SLC2A9: variants seen among roughly 807,000 people sequenced by gnomAD.
SLC2A9 encodes solute carrier family 2, facilitated glucose transporter member 9.
A neutral mutation model predicts 50.6 loss-of-function variants in SLC2A9; 39 were observed. The observed-to-expected ratio is 0.77, with a 90% CI of 0.60 to 1.01. The LOEUF (loss-of-function observed/expected upper bound fraction) is 1.01, where lower values mean the gene tolerates loss of function less well. SLC2A9 is among the 50% of genes least tolerant of loss of function. The pLI is 0.00. For synonymous variants in SLC2A9, 324 were observed against 276.9 expected (o/e 1.17, Z -1.69); for missense variants, 686 against 677.6 (o/e 1.01, Z -0.14).
At chr4:9,880,188 T>A in intron 10 of SLC2A9, 4 of 985,442 alleles carry the variant, frequency 4.1e-6, no homozygotes, top group Non-Finnish European at 4.8e-6. Context: ...GCAGCTTTTC[T>A]TAGACAGGTA....
At chr4:9,921,603 C>T (rs1743970840) in intron 6 of SLC2A9, among the ~76,000 whole-genome samples, 1 of 152,246 alleles carries the variant, frequency 6.6e-6, no homozygotes, top group Non-Finnish European at 1.5e-5. Flanking sequence ...GCTCCAGATT[C>T]TCCAAGAAGC....
At chr4:9,901,994 C>T (rs543785102) in intron 8 of SLC2A9, among the ~76,000 whole-genome samples, 6 of 152,332 alleles carry the variant, frequency 3.9e-5, no homozygotes, top group Admixed American at 3.3e-4. Context: ...CGTACCCACC[C>T]TACATGCCCT....
intron 2 of SLC2A9, among the ~76,000 whole-genome samples, chr4:10,006,901 A>C (rs1760882890): frequency 6.6e-6 from 1 of 151,528 alleles, no homozygotes; most frequent in Admixed American, 6.6e-5. Context: ...CCCGAGAAAA[A>C]CCCTGGACTC....
intron 2 of SLC2A9, among the ~76,000 whole-genome samples, chr4:10,004,740 T>C (rs1220759044): frequency 6.6e-6 from 1 of 152,204 alleles, no homozygotes; most frequent in South Asian, 2.1e-4. Flanking sequence ...GCCATCACAA[T>C]TGCACTGTGA....
chr4:9,970,973 T>C (rs1245363458), intron 5 of SLC2A9, among the ~76,000 whole-genome samples: 1 of 152,190 alleles, frequency 6.6e-6, no homozygotes, highest in African/African-American at 2.4e-5. Context: ...TGACCACCGG[T>C]ACATGCAGCC....
At chr4:10,009,554 A>T (rs1761399113) in intron 2 of SLC2A9, 5 of 152,378 alleles carry the variant, frequency 3.3e-5, no homozygotes, top group Admixed American at 3.3e-4. Context: ...TAATTGCTCT[A>T]CAGAAACCCT....
chr4:9,955,283 G>C lies in SLC2A9; in HGVS notation c.682-13238C>G, dbSNP rs1337155703. The stretch of plus-strand genomic sequence containing the variant: ...CGAGGCGGGTGGATCACGAGGTCAG[G>C]AGATCGAGACCATCCTGGCTAACAC... On this transcript the variant is annotated intron_variant, in intron 5 of 11. Transcript: ENST00000264784. Among the ~76,000 whole-genome samples the C allele has an allele frequency of 4.4e-5, 2 of 45,406 alleles. 1 individual carries two copies. The highest frequency in any genetic ancestry group is 7.7e-4 in the South Asian group (2 of 2,582). 29.8% of individuals were successfully genotyped at this position (45,406 alleles called of 152,430 possible).
At chr4:9,958,594 A>G (rs191918016) in intron 5 of SLC2A9, among the ~76,000 whole-genome samples, 2 of 152,344 alleles carry the variant, frequency 1.3e-5, no homozygotes, top group Admixed American at 1.3e-4. Context: ...TACCTATGTA[A>G]CAAACCTGCA....
chr4:9,834,082 C>G (rs769781869), intron 11 of SLC2A9, among the ~76,000 whole-genome samples: 1 of 152,178 alleles, frequency 6.6e-6, no homozygotes, highest in East Asian at 1.9e-4. Flanking sequence ...AAATATTAGC[C>G]CTGCCTAAGG....
intron 3 of SLC2A9, among the ~76,000 whole-genome samples, chr4:9,988,096 G>T (rs959935484): frequency 2.0e-5 from 3 of 152,240 alleles, no homozygotes; most frequent in African/African-American, 7.2e-5. Context: ...CTGGACTGCA[G>T]GGGACAAGTG....
intron 10 of SLC2A9, among the ~76,000 whole-genome samples, chr4:9,875,713 T>C (rs1453133284): frequency 6.6e-6 from 1 of 152,200 alleles, no homozygotes; most frequent in African/African-American, 2.4e-5. Context: ...ACTTCCTCTA[T>C]CCACCTCCCC....
At chr4:9,809,594 C>A (rs1272805959) in intron 3 of SLC2A9, among the ~76,000 whole-genome samples, 1 of 152,170 alleles carries the variant, frequency 6.6e-6, no homozygotes, top group Non-Finnish European at 1.5e-5. Context: ...GCCTGGCCTG[C>A]AGGACCCACC....
At chr4:9,840,126 AG>A (rs1727810082) in intron 10 of SLC2A9, among the ~76,000 whole-genome samples, 1 of 152,210 alleles carries the variant, frequency 6.6e-6, no homozygotes, top group Non-Finnish European at 1.5e-5. Context: ...ATCACCAGTA[AG>A]CTGCAAACTC....
chr4:10,038,265 G>A (rs1483953636), intron 1 of SLC2A9, among the ~76,000 whole-genome samples: 2 of 152,026 alleles, frequency 1.3e-5, no homozygotes, highest in Non-Finnish European at 2.9e-5. Context: ...CCAGTGCTTT[G>A]AGAGGCCGAG....
chr4:9,841,732 C>T (rs73804736), intron 10 of SLC2A9, among the ~76,000 whole-genome samples: 117 of 152,184 alleles, frequency 7.7e-4, no homozygotes, highest in African/African-American at 2.6e-3. Context: ...TGACATGCAC[C>T]GGAACCCATT....
downstream of SLC2A9, among the ~76,000 whole-genome samples, chr4:9,825,293 C>T (rs189054362): frequency 3.0e-4 from 45 of 152,274 alleles, no homozygotes; most frequent in African/African-American, 8.7e-4. Context: ...TAGAAGAGCC[C>T]CTCAACATAT....
chr4:9,941,832 C>T, intron 6 of SLC2A9, 81 bp downstream of exon 6: 1 of 1,584,294 alleles, frequency 6.3e-7, no homozygotes, highest in South Asian at 1.1e-5. Context: ...TTCCTGTGCC[C>T]ATTGGCCCAG....
At chr4:9,892,291 G>A (rs1050672984) in intron 8 of SLC2A9, among the ~76,000 whole-genome samples, 6 of 152,220 alleles carry the variant, frequency 3.9e-5, no homozygotes, top group African/African-American at 1.2e-4. Context: ...TGAGGGGAAC[G>A]GAGGGTGCTG....
At chr4:9,858,466 C>A (rs1408364897) in intron 10 of SLC2A9, among the ~76,000 whole-genome samples, 1 of 152,182 alleles carries the variant, frequency 6.6e-6, no homozygotes, top group Non-Finnish European at 1.5e-5. Context: ...GCATTCCCTT[C>A]ATTCTCCCTC....
Sources: gnomAD v4.1 joint callset for allele counts (sites outside exome capture counted in the v4.1 genomes callset) on GRCh38, gnomAD v4.1.1 for gene constraint, MANE v1.5 for transcripts, NCBI Gene and HGNC (gene_info 2026-07-23, HGNC 2026-07-21) for gene names.